The following OR2I1 variants were observed in gnomAD, a reference collection of about 807,000 sequenced individuals.
The protein encoded by OR2I1 is putative olfactory receptor 2I1.
chr6:29,554,795 G>A, the OR2I1 span: 1 of 152,068 alleles, frequency 6.6e-6, no homozygotes, highest in Non-Finnish European at 1.5e-5. Flanking sequence ...GCACGTCTCA[G>A]CCCGTGAAAA....
the OR2I1 span, chr6:29,555,638 A>T: frequency 2.0e-6 from 1 of 499,496 alleles, no homozygotes; most frequent in African/African-American, 1.9e-5. Flanking sequence ...ATTTTGCCTT[A>T]AAAATTTATT....
At chr6:29,555,776 C>A in the OR2I1 span, 5 of 875,366 alleles carry the variant, frequency 5.7e-6, no homozygotes, top group Middle Eastern at 6.3e-4. Flanking sequence ...CTACTCATCT[C>A]ATTCTCATTA....
chr6:29,553,235 G>A, the OR2I1 span: 3 of 398,858 alleles, frequency 7.5e-6, no homozygotes, highest in East Asian at 1.1e-4. Flanking sequence ...GCCAACTACA[G>A]CGCAGAGGAG....
chr6:29,556,434 T>C, the OR2I1 span: 3 of 956,588 alleles, frequency 3.1e-6, no homozygotes. Context: ...GCTCCCCCTC[T>C]TCCACTATCT....
the OR2I1 span, chr6:29,553,076 G>A: frequency 1.8e-5 from 7 of 397,342 alleles, no homozygotes; most frequent in Non-Finnish European, 3.1e-5. Context: ...TCTGTAAATG[G>A]GATTACAATC....
At chr6:29,554,863 G>A in the OR2I1 span, 1 of 152,280 alleles carries the variant, frequency 6.6e-6, no homozygotes. Context: ...GAGAGTCAGA[G>A]AGAGGAGTAA....
the OR2I1 span, chr6:29,550,857 G>A: frequency 6.6e-6 from 1 of 152,186 alleles, no homozygotes; most frequent in African/African-American, 2.4e-5. Flanking sequence ...TAGTCATGAA[G>A]GTAAGTTGGG....
the OR2I1 span, chr6:29,553,492 C>T: frequency 7.5e-6 from 3 of 398,514 alleles, no homozygotes; most frequent in Non-Finnish European, 1.3e-5. Context: ...GCTCTGGCTG[C>T]CGCGCAGCCA....
the OR2I1 span, chr6:29,553,047 T>C: frequency 1.0e-5 from 4 of 395,032 alleles, no homozygotes; most frequent in Non-Finnish European, 1.8e-5. Context: ...CTTAGGGAGT[T>C]TATTTTTAAG....
the OR2I1 span, chr6:29,556,059 G>A: frequency 2.5e-6 from 4 of 1,612,912 alleles, no homozygotes; most frequent in African/African-American, 2.7e-5. Flanking sequence ...CTGGACCTTC[G>A]CACCTGGAGG....
chr6:29,553,082 C>T, the OR2I1 span: 1 of 397,402 alleles, frequency 2.5e-6, no homozygotes, highest in Non-Finnish European at 4.4e-6. Context: ...AATGGGATTA[C>T]AATCCACAAA....
the OR2I1 span, among the ~76,000 whole-genome samples, chr6:29,552,020 T>C: frequency 1.8e-3 from 268 of 152,354 alleles, no homozygotes; most frequent in African/African-American, 6.2e-3. Context: ...AAGTTATCCA[T>C]ATAATAATTT....
the OR2I1 span, chr6:29,550,546 G>A: frequency 6.6e-6 from 1 of 152,216 alleles, no homozygotes; most frequent in Non-Finnish European, 1.5e-5. Context: ...CCCATTACAA[G>A]GTTCTCCAGG....
the OR2I1 span, chr6:29,555,841 A>G: frequency 2.0e-6 from 3 of 1,514,718 alleles, no homozygotes; most frequent in Non-Finnish European, 2.7e-6. Context: ...AAAAGAAATA[A>G]GCTTTTTGAC....
the OR2I1 span, chr6:29,556,402 A>G: frequency 7.2e-7 from 1 of 1,389,756 alleles, no homozygotes; most frequent in South Asian, 1.3e-5. Context: ...CCTCCTTTAC[A>G]CTTCTACTCC....
At chr6:29,553,207 G>A in the OR2I1 span, 7 of 398,678 alleles carry the variant, frequency 1.8e-5, no homozygotes, top group South Asian at 5.1e-4. Context: ...AAACATTCTG[G>A]GAGTTTTCCT....
chr6:29,552,966 C>T, the OR2I1 span: 1 of 334,292 alleles, frequency 3.0e-6, no homozygotes, highest in Non-Finnish European at 5.4e-6. Context: ...CACAGAGTAC[C>T]TGAAACAACG....
chr6:29,553,211 T>G, the OR2I1 span: 1 of 398,514 alleles, frequency 2.5e-6, no homozygotes, highest in East Asian at 3.6e-5. Flanking sequence ...ATTCTGGGAG[T>G]TTTCCTCCTT....
At chr6:29,556,298 T>C in the OR2I1 span, 1 of 1,613,054 alleles carries the variant, frequency 6.2e-7, no homozygotes, top group Non-Finnish European at 8.5e-7. Flanking sequence ...CACGCTGTCA[T>C]ATGGGTTGGC....
Sources: gnomAD v4.1 joint callset for allele counts (sites outside exome capture counted in the v4.1 genomes callset) on GRCh38, gnomAD v4.1.1 for gene constraint, MANE v1.5 for transcripts, NCBI Gene and HGNC (gene_info 2026-07-23, HGNC 2026-07-21) for gene names.